The following DDR2 variants were observed in gnomAD, a reference collection of about 807,000 sequenced individuals.
DDR2 encodes the protein discoidin domain-containing receptor 2.
In DDR2, 27 loss-of-function variants were observed where a neutral mutation model predicts 94.9. The observed-to-expected ratio is 0.28, with a 90% CI of 0.21 to 0.39. The LOEUF (loss-of-function observed/expected upper bound fraction) is 0.39, where lower values mean the gene tolerates loss of function less well. Among genes scored for constraint, DDR2 ranks in the 10% least tolerant of loss-of-function variants. The pLI is 1.00. For synonymous variants in DDR2, 382 were observed against 377.2 expected (o/e 1.01, Z -0.15); for missense variants, 783 against 1,076.0 (o/e 0.73, Z 3.81).
intron 2 of DDR2, among the ~76,000 whole-genome samples, chr1:162,713,241 T>C (rs1661005958): frequency 6.6e-6 from 1 of 152,218 alleles, no homozygotes; most frequent in African/African-American, 2.4e-5. Context: ...CAAGTGATTC[T>C]TGAAGTATAG....
At chr1:162,636,626 A>G (rs1656838822) in intron 1 of DDR2, among the ~76,000 whole-genome samples, 2 of 152,190 alleles carry the variant, frequency 1.3e-5, no homozygotes, top group Non-Finnish European at 2.9e-5. Context: ...ATCATTTTCT[A>G]GGGTTTCGAC....
chr1:162,747,077 G>C (rs974533978), intron 3 of DDR2, among the ~76,000 whole-genome samples: 1 of 152,204 alleles, frequency 6.6e-6, no homozygotes, highest in Non-Finnish European at 1.5e-5. Context: ...GAGCAGAAAA[G>C]CTGAAAATTC....
intron 10 of DDR2, among the ~76,000 whole-genome samples, chr1:162,766,504 T>C (rs1258485180): frequency 6.6e-6 from 1 of 152,188 alleles, no homozygotes; most frequent in South Asian, 2.1e-4. Context: ...ACATGTGGGA[T>C]TGAATGTGTC....
At chr1:162,752,352 C>G (rs1663254344) in intron 3 of DDR2, among the ~76,000 whole-genome samples, 1 of 152,222 alleles carries the variant, frequency 6.6e-6, no homozygotes, top group Non-Finnish European at 1.5e-5. Context: ...CCTGGACACA[C>G]TCTCATGCCA....
intron 2 of DDR2, among the ~76,000 whole-genome samples, chr1:162,693,342 G>C (rs981189460): frequency 6.6e-6 from 1 of 152,178 alleles, no homozygotes; most frequent in Non-Finnish European, 1.5e-5. Flanking sequence ...AAAAGCAAAG[G>C]AGCTTCTGCA....
chr1:162,751,747 C>T (rs1663206811), intron 3 of DDR2, among the ~76,000 whole-genome samples: 1 of 152,134 alleles, frequency 6.6e-6, no homozygotes, highest in Non-Finnish European at 1.5e-5. Flanking sequence ...GGAATCAACC[C>T]AAATGTCCAT....
intron 1 of DDR2, among the ~76,000 whole-genome samples, chr1:162,635,308 C>T (rs546821433): frequency 1.1e-4 from 12 of 106,242 alleles, no homozygotes; most frequent in Non-Finnish European, 2.1e-4. Flanking sequence ...AAAATTGGAG[C>T]GGCCACCCCC....
chr1:162,687,889 C>A (rs879555707), intron 2 of DDR2, among the ~76,000 whole-genome samples: 1 of 152,070 alleles, frequency 6.6e-6, no homozygotes, highest in Non-Finnish European at 1.5e-5. Flanking sequence ...CTTTTGGGTG[C>A]CCTTTTATAT....
chr1:162,701,906 C>A (rs1282006427), intron 2 of DDR2, among the ~76,000 whole-genome samples: 3 of 152,104 alleles, frequency 2.0e-5, no homozygotes, highest in African/African-American at 7.2e-5. Context: ...GTGTAGTTTT[C>A]TTTTTTCTGC....
At chr1:162,729,873 A>G (rs1027370167) in intron 3 of DDR2, among the ~76,000 whole-genome samples, 3 of 151,738 alleles carry the variant, frequency 2.0e-5, no homozygotes, top group Middle Eastern at 3.4e-3. Context: ...CCTCTCGAGT[A>G]GCTGGGATTA....
At chr1:162,752,956 A>T in intron 3 of DDR2, 139 bp from the exon 4 acceptor site, 1 of 728,922 alleles carries the variant, frequency 1.4e-6, no homozygotes, top group Non-Finnish European at 2.3e-6. Flanking sequence ...AGGGTGATCA[A>T]ACTGGGGCCA....
At chr1:162,774,834 G>C (rs910495246) in intron 14 of DDR2, among the ~76,000 whole-genome samples, 2 of 152,142 alleles carry the variant, frequency 1.3e-5, no homozygotes, top group African/African-American at 4.8e-5. Flanking sequence ...AAGAGGGGAG[G>C]TGTTGCATCA....
chr1:162,786,610 G>C lies in DDR2; in HGVS notation c.*6364G>C, dbSNP rs1279186683. ...TTCTGTATAAACAGTGCCAGTTCTG[G>C]GCTTTGTAACCTTTGCTCTTTATAG... On this transcript the variant is annotated 3_prime_UTR_variant, in exon 18 of 18. Coordinates refer to ENST00000367921, the MANE Select transcript of DDR2 (RefSeq NM_006182.4). 2 of 152,160 alleles carry C rather than the reference G, an allele frequency of 1.3e-5. No homozygotes were observed. Among genetic ancestry groups the C allele is most frequent in the African/African-American group, 4.8e-5 (2 of 41,420 alleles). The allele number at this position is 152,160 out of a possible 1,614,324, so 9.4% of individuals were successfully genotyped here.
At chr1:162,647,427 G>C (rs958943212) in intron 1 of DDR2, among the ~76,000 whole-genome samples, 1 of 152,126 alleles carries the variant, frequency 6.6e-6, no homozygotes, top group Non-Finnish European at 1.5e-5. Flanking sequence ...CCAAGAGAGG[G>C]TTCTTAGACC....
At chr1:162,722,054 A>G (rs1050835678) in intron 3 of DDR2, among the ~76,000 whole-genome samples, 3 of 152,224 alleles carry the variant, frequency 2.0e-5, no homozygotes, top group African/African-American at 4.8e-5. Flanking sequence ...GTCTCAGCAG[A>G]TACCAAGAGA....
At chr1:162,638,969 T>G (rs1218802941) in intron 1 of DDR2, among the ~76,000 whole-genome samples, 4 of 152,144 alleles carry the variant, frequency 2.6e-5, no homozygotes, top group African/African-American at 9.7e-5. Context: ...TTTTCTTTTT[T>G]CTTTTTCTAT....
In DDR2 at chr1:162,780,148, G is replaced by A. The variant is rs2102211348; in HGVS notation, c.2470G>A (p.Val824Met). ...TCAACCAGCCATTTGTCCTGACTCT[G>A]TGTATAAGCTGATGCTCAGCTGCTG... is the stretch of plus-strand genomic sequence containing the variant. Reference protein sequence around the residue: ...LPQPAICPDSVYKLMLSCWRR... With the variant: ...LPQPAICPDSMYKLMLSCWRR... The change falls in exon 18 of 18, where the codon GTG becomes ATG. Residue 824 changes from valine (V) to methionine (M), a missense_variant. Around this residue, in one of 2 missense-constraint regions of DDR2, gnomAD observed 264 missense variants for 428.2 expected, o/e 0.62. Coordinates refer to ENST00000367921, the MANE Select transcript of DDR2 (RefSeq NM_006182.4). 6.2e-7 allele frequency: 1 copy of A among 1,613,906 alleles called. No individual in the cohort carries two copies. Among genetic ancestry groups the A allele is most frequent in the Non-Finnish European group, 8.5e-7 (1 of 1,179,916 alleles).
chr1:162,719,701 G>T lies in DDR2; in HGVS notation c.82+556G>T, dbSNP rs186672784. ...TTACATGCATTTTTAAAGTTTAAAT[G>T]GAAGTAAATAATTGTATTATTTATT... On this transcript the variant is annotated intron_variant, in intron 3 of 17. Transcript: ENST00000367921. Among the ~76,000 whole-genome samples the T allele has an allele frequency of 1.6e-3, 240 of 152,202 alleles. 1 individual carries two copies. The highest frequency in any genetic ancestry group is 5.7e-3 in the African/African-American group (238 of 41,546).
At chr1:162,731,861 C>A (rs1462099512) in intron 3 of DDR2, among the ~76,000 whole-genome samples, 2 of 152,176 alleles carry the variant, frequency 1.3e-5, no homozygotes, top group African/African-American at 4.8e-5. Flanking sequence ...AGTGGCAGAG[C>A]CAAGTCTTAA....
Sources: gnomAD v4.1 joint callset for allele counts (sites outside exome capture counted in the v4.1 genomes callset) on GRCh38, gnomAD v4.1.1 for gene constraint, gnomAD v4.1.1 regional missense constraint, MANE v1.5 for transcripts, NCBI Gene and HGNC (gene_info 2026-07-23, HGNC 2026-07-21) for gene names.